ABCG8: variants seen among roughly 807,000 people sequenced by gnomAD.
The protein encoded by ABCG8 is ATP binding cassette subfamily G member 8.
ABCG8 carries 81 observed loss-of-function variants against 71.3 expected under a neutral mutation model. The ratio of observed to expected loss-of-function variants is 1.14; its 90% CI spans 0.95 to 1.37. The LOEUF is 1.37. ABCG8 is among the 40% of genes most tolerant of loss of function. The pLI is 0.00. For missense variants in ABCG8, 1,119 were observed against 866.2 expected, an observed-to-expected ratio of 1.29 and a Z score of -3.66; for synonymous variants, 451 against 354.7, an observed-to-expected ratio of 1.27 and a Z score of -3.05.
chr2:43,867,963 A>G (rs1669593293), intron 6 of ABCG8, among the ~76,000 whole-genome samples: 2 of 152,016 alleles, frequency 1.3e-5, no homozygotes, highest in South Asian at 4.2e-4. Context: ...CACCATCTGG[A>G]TAGAACTCTC....
At chr2:43,859,602 A>T (rs1023324225) in intron 6 of ABCG8, among the ~76,000 whole-genome samples, 2 of 151,184 alleles carry the variant, frequency 1.3e-5, no homozygotes, top group Non-Finnish European at 3.0e-5. Context: ...TCTGGATAGA[A>T]TTCTCACCCT....
chr2:43,862,502 T>G (rs1669361476), intron 6 of ABCG8, among the ~76,000 whole-genome samples: 1 of 151,252 alleles, frequency 6.6e-6, no homozygotes, highest in African/African-American at 2.4e-5. Flanking sequence ...CTGGATAGAA[T>G]TCTCACCATC....
chr2:43,872,133 G>T lies in ABCG8; in HGVS notation c.1122G>T (p.Val374=). The T allele has an allele frequency of 1.2e-6, 2 of 1,614,138 alleles. No homozygotes were observed. Among genetic ancestry groups the T allele is most frequent in the Non-Finnish European group, 1.7e-6 (2 of 1,180,034 alleles). The change falls in exon 7 of 13, where the codon GTG becomes GTT. Residue 374 remains valine, a synonymous_variant. Transcript: ENST00000272286. The part of the protein sequence containing the change: ...ETKDLDEDTC[V]ESSVTPLDTN... The stretch of plus-strand genomic sequence containing the variant: ...AGGATCTTGACGAGGACACCTGTGT[G>T]GAAAGGTAAGGTGGCAGGCGACTCT...
In ABCG8 at chr2:43,879,410, C is replaced by A. The variant is rs1272438724; in HGVS notation, c.*1497C>A. On this transcript the variant is annotated 3_prime_UTR_variant, in exon 13 of 13. Transcript: ENST00000272286. ...GCCAGCAGAATGGGCACAGCTGGAGCTGATTGGATAGGTCCCATGAGCCTC... is the reference window on the plus strand; with the variant it reads ...GCCAGCAGAATGGGCACAGCTGGAGATGATTGGATAGGTCCCATGAGCCTC... 1 of 152,276 alleles carries A rather than the reference C, an allele frequency of 6.6e-6. No individual in the cohort carries two copies. Among genetic ancestry groups the A allele is most frequent in the Non-Finnish European group, 1.5e-5 (1 of 68,108 alleles). 9.4% of individuals were successfully genotyped at this position (152,276 alleles called of 1,614,324 possible).
At position 43,882,133 on chromosome 2, in the gene ABCG8, G is replaced by A. The variant is rs541487958; in HGVS notation, c.*4220G>A. 1 of 152,050 alleles carries A rather than the reference G, an allele frequency of 6.6e-6. No homozygotes were observed. The highest frequency in any genetic ancestry group is 1.9e-4 in the East Asian group (1 of 5,198). 9.4% of individuals were successfully genotyped at this position (152,050 alleles called of 1,614,324 possible). A position where few individuals can be genotyped will look rare whatever the true frequency, so the allele number is the denominator to read the frequency against. ...TAAACAGAAAATAATCACCAATATT[G>A]GCTCAAATATTTCCTGATTTAAAAA... is the stretch of plus-strand genomic sequence containing the variant. On this transcript the variant is annotated 3_prime_UTR_variant, in exon 13 of 13. Transcript: ENST00000272286.
chr2:43,841,928 A>G (rs1158909373), intron 1 of ABCG8, among the ~76,000 whole-genome samples: 4 of 152,232 alleles, frequency 2.6e-5, no homozygotes, highest in Non-Finnish European at 1.5e-5. Flanking sequence ...TACATTGTCT[A>G]ATATCCCTCC....
chr2:43,850,323 C>A (rs990784595), intron 3 of ABCG8, among the ~76,000 whole-genome samples: 1 of 152,228 alleles, frequency 6.6e-6, no homozygotes, highest in Non-Finnish European at 1.5e-5. Flanking sequence ...ATAGCTTGAA[C>A]AGCTGTCACA....
chr2:43,844,064 G>A (rs1001786471), intron 1 of ABCG8, among the ~76,000 whole-genome samples: 1 of 152,196 alleles, frequency 6.6e-6, no homozygotes, highest in Non-Finnish European at 1.5e-5. Context: ...CATGCTGCAA[G>A]TGTCATGTCT....
intron 12 of ABCG8, 40 bp from the exon 13 acceptor site, chr2:43,877,736 C>G: frequency 6.2e-7 from 1 of 1,614,120 alleles, no homozygotes; most frequent in Non-Finnish European, 8.5e-7. Flanking sequence ...GTCCGGCTTT[C>G]CATCCTCCTC....
intron 1 of ABCG8, among the ~76,000 whole-genome samples, chr2:43,844,055 A>T (rs1384934245): frequency 6.6e-6 from 1 of 152,192 alleles, no homozygotes; most frequent in Non-Finnish European, 1.5e-5. Context: ...TCCCTCTCAC[A>T]TGCTGCAAGT....
At chr2:43,870,974 A>C (rs1275626733) in intron 6 of ABCG8, among the ~76,000 whole-genome samples, 2 of 140,492 alleles carry the variant, frequency 1.4e-5, no homozygotes, top group Non-Finnish European at 3.1e-5. Flanking sequence ...AACTCTCACC[A>C]TCTGAATAAA....
At chr2:43,850,082 G>C (rs1055410925) in intron 3 of ABCG8, among the ~76,000 whole-genome samples, 1 of 152,102 alleles carries the variant, frequency 6.6e-6, no homozygotes, top group African/African-American at 2.4e-5. Flanking sequence ...TGTGGTGGCA[G>C]GCATGGTGGC....
intron 6 of ABCG8, 31 bp downstream of exon 6, chr2:43,852,899 TG>T (rs1414113498): frequency 6.2e-7 from 1 of 1,610,674 alleles, no homozygotes. Flanking sequence ...GCCAGGGCCC[TG>T]GCACACAGGG....
intron 5 of ABCG8, 31 bp downstream of exon 5, chr2:43,852,517 G>C (rs1353719428): frequency 2.5e-6 from 4 of 1,613,842 alleles, no homozygotes; most frequent in Non-Finnish European, 2.5e-6. Flanking sequence ...TGGGGGCAGA[G>C]GGACCTGTGC....
At chr2:43,864,528 C>T (rs1669451860) in intron 6 of ABCG8, among the ~76,000 whole-genome samples, 1 of 151,552 alleles carries the variant, frequency 6.6e-6, no homozygotes, top group African/African-American at 2.4e-5. Context: ...CACCATCTGT[C>T]TGGGTAGAAT....
chr2:43,854,446 G>A (rs1669031016), intron 6 of ABCG8, among the ~76,000 whole-genome samples: 1 of 152,060 alleles, frequency 6.6e-6, no homozygotes, highest in East Asian at 1.9e-4. Flanking sequence ...TGGCCAACAT[G>A]GTGAAACTCT....
In ABCG8 at chr2:43,877,964, C is replaced by G. The variant is rs368753873; in HGVS notation, c.*51C>G. 51 of 1,613,208 alleles carry G rather than the reference C, an allele frequency of 3.2e-5. No homozygotes were observed. The African/African-American group carries it at 5.6e-4, about 18-fold the overall frequency. On this transcript the variant is annotated 3_prime_UTR_variant, in exon 13 of 13. Coordinates refer to ENST00000272286, the MANE Select transcript of ABCG8 (RefSeq NM_022437.3). The stretch of plus-strand genomic sequence containing the variant: ...TGGGGGACCTGAGCAGACCCTTCAA[C>G]TGCACTCCCTCCTCAGGAGCCCCTT...
At position 43,867,843 on chromosome 2, in the gene ABCG8, C is replaced by T. The variant is rs117040626; in HGVS notation, c.965-4133C>T. Among the ~76,000 whole-genome samples the T allele has an allele frequency of 4.5e-4, 68 of 151,976 alleles. No individual in the cohort carries two copies. The East Asian group carries it at 0.013, about 29-fold the overall frequency. On this transcript the variant is annotated intron_variant, in intron 6 of 12. Coordinates refer to ENST00000272286, the MANE Select transcript of ABCG8 (RefSeq NM_022437.3). ...TCTCACTCTCTAGATAGAATTCTCA[C>T]TATCTTTCTCAATAGAATTCTCACC... is the stretch of plus-strand genomic sequence containing the variant.
chr2:43,877,132 C>T (rs965856019), intron 11 of ABCG8, among the ~76,000 whole-genome samples: 15 of 143,700 alleles, frequency 1.0e-4, no homozygotes, highest in African/African-American at 3.1e-4. Context: ...ATGGGGAGAC[C>T]GTGGGAATAT....
Sources: gnomAD v4.1 joint callset for allele counts (sites outside exome capture counted in the v4.1 genomes callset) on GRCh38, gnomAD v4.1.1 for gene constraint, MANE v1.5 for transcripts, NCBI Gene and HGNC (gene_info 2026-07-23, HGNC 2026-07-21) for gene names.